Variants in RPS29 observed in about 807,000 individuals in gnomAD.
The protein encoded by RPS29 is small ribosomal subunit protein uS14.
For missense variants in RPS29, 60 were observed against 75.7 expected (o/e 0.79, Z 0.77); for synonymous variants, 37 against 26.9 (o/e 1.37, Z -1.16).
chr14:49,587,868 C>T (rs1473195233), upstream of RPS29, among the ~76,000 whole-genome samples: 1 of 152,158 alleles, frequency 6.6e-6, no homozygotes, highest in Non-Finnish European at 1.5e-5. Context: ...CAGCACTTGA[C>T]AGAAGGGAAT....
chr14:49,580,055 C>G (rs899730133), downstream of RPS29, among the ~76,000 whole-genome samples: 9 of 152,034 alleles, frequency 5.9e-5, no homozygotes, highest in Admixed American at 2.0e-4. Flanking sequence ...ACCATGTATA[C>G]ACAGGGATAG....
At chr14:49,598,558 C>T (rs1293980633) in exon 1 of RPS29, 9 of 702,220 alleles carry the variant, frequency 1.3e-5, no homozygotes, top group Non-Finnish European at 1.8e-5. Flanking sequence ...CTTACGGGGC[C>T]ACTCAGACAG....
upstream of RPS29, chr14:49,586,544 A>T (rs1881566276): frequency 3.3e-6 from 2 of 604,528 alleles, no homozygotes; most frequent in Non-Finnish European, 6.0e-6. Context: ...TCACCATACC[A>T]CAGCTTCTAG....
chr14:49,587,820 C>T (rs116109153), upstream of RPS29, among the ~76,000 whole-genome samples: 994 of 152,290 alleles, frequency 6.5e-3, 17 homozygotes, highest in African/African-American at 0.022. Context: ...ATTTGAGAGA[C>T]CTTTGAGGTA....
chr14:49,589,216 T>G (rs527356080), upstream of RPS29, among the ~76,000 whole-genome samples: 5 of 152,286 alleles, frequency 3.3e-5, no homozygotes, highest in East Asian at 1.9e-4. Context: ...TTGAAATGCT[T>G]CTTCTTTTAG....
At chr14:49,586,197 G>T in intron 1 of RPS29, 88 bp downstream of exon 1, 1 of 1,457,982 alleles carries the variant, frequency 6.9e-7, no homozygotes, top group Non-Finnish European at 9.6e-7. Context: ...GTGCTCCCTC[G>T]TGCCGCCCGT....
chr14:49,586,377 G>A lies in RPS29; in HGVS notation c.-31C>T, dbSNP rs1282480270. 1.2e-5 allele frequency: 20 copies of A among 1,602,614 alleles called. No homozygotes were observed. The highest frequency in any genetic ancestry group is 2.7e-5 in the African/African-American group (2 of 74,696). ...TCTCAGCAGTGCAACGAGGTAAAAG[G>A]AAGAAGCTGGCCCACGCATGCGCTC... On this transcript the variant is annotated 5_prime_UTR_variant, in exon 1 of 3. Transcript: ENST00000245458.
downstream of RPS29, among the ~76,000 whole-genome samples, chr14:49,581,046 G>C (rs906232788): frequency 6.6e-6 from 1 of 151,818 alleles, no homozygotes; most frequent in African/African-American, 2.4e-5. Flanking sequence ...AATGAGCCGG[G>C]CATGGTGGCG....
chr14:49,588,876 C>CTTTTT (rs577408713), upstream of RPS29, among the ~76,000 whole-genome samples: 10 of 92,466 alleles, frequency 1.1e-4, no homozygotes, highest in Non-Finnish European at 2.0e-4. Context: ...TTTCTGAGTC[C>CTTTTT]TTTTTTTTTT....
upstream of RPS29, chr14:49,586,945 A>G (rs993792385): frequency 6.5e-6 from 1 of 153,234 alleles, no homozygotes; most frequent in Non-Finnish European, 1.5e-5. Flanking sequence ...TTTTTTATTG[A>G]TTAAACCTTT....
intron 2 of RPS29, 105 bp downstream of exon 2, chr14:49,585,845 G>C (rs1566482036): frequency 1.2e-6 from 1 of 850,122 alleles, no homozygotes; most frequent in East Asian, 2.5e-5. Flanking sequence ...CGAATGCTCA[G>C]AATTACCACT....
intron 1 of RPS29, among the ~76,000 whole-genome samples, chr14:49,592,822 C>T (rs920861090): frequency 6.6e-6 from 1 of 151,516 alleles, no homozygotes; most frequent in South Asian, 2.1e-4. Context: ...ACAGGAGAAT[C>T]GTTTGAACCC....
upstream of RPS29, chr14:49,586,389 C>T (rs750854445): frequency 2.6e-6 from 4 of 1,551,914 alleles, no homozygotes; most frequent in South Asian, 2.2e-5. Flanking sequence ...AGAAGCTGGC[C>T]CACGCATGCG....
upstream of RPS29, among the ~76,000 whole-genome samples, chr14:49,590,391 G>A (rs1881685700): frequency 2.0e-5 from 3 of 151,890 alleles, no homozygotes; most frequent in South Asian, 2.1e-4. Flanking sequence ...CAGGAGAATC[G>A]CTTAAACCCA....
chr14:49,598,592 G>A, exon 1 of RPS29: 1 of 701,852 alleles, frequency 1.4e-6, no homozygotes, highest in Non-Finnish European at 2.6e-6. Flanking sequence ...TCCCTGTAAC[G>A]CAGAGGCACA....
downstream of RPS29, among the ~76,000 whole-genome samples, chr14:49,581,618 A>T (rs564634161): frequency 1.4e-3 from 208 of 152,188 alleles, 5 homozygotes; most frequent in South Asian, 0.041. Flanking sequence ...AATTTTTGCT[A>T]TTCTCCCGCC....
downstream of RPS29, among the ~76,000 whole-genome samples, chr14:49,583,272 C>T (rs1299079497): frequency 6.6e-6 from 1 of 152,010 alleles, no homozygotes; most frequent in Non-Finnish European, 1.5e-5. Flanking sequence ...GATTTCTTGC[C>T]GGGTGCGGTG....
chr14:49,593,065 AAGG>A (rs1057414949), intron 1 of RPS29, among the ~76,000 whole-genome samples: 1 of 152,190 alleles, frequency 6.6e-6, no homozygotes, highest in African/African-American at 2.4e-5. Flanking sequence ...CCCAGGAATG[AAGG>A]AGAAATTCAG....
At chr14:49,590,991 G>C (rs1279739330), upstream of RPS29, among the ~76,000 whole-genome samples, 1 of 151,692 alleles carries the variant, frequency 6.6e-6, no homozygotes, top group East Asian at 1.9e-4. Flanking sequence ...CGCCCAACCA[G>C]AATTAGGTCT....
Sources: gnomAD v4.1 joint callset for allele counts (sites outside exome capture counted in the v4.1 genomes callset) on GRCh38, gnomAD v4.1.1 for gene constraint, MANE v1.5 for transcripts, NCBI Gene and HGNC (gene_info 2026-07-23, HGNC 2026-07-21) for gene names.